Variants in PRKCB observed in about 807,000 individuals in gnomAD.
The protein encoded by PRKCB is protein kinase C beta type.
A neutral mutation model predicts 81.5 loss-of-function variants in PRKCB; 13 were observed. The observed-to-expected ratio is 0.16, with a 90% CI of 0.10 to 0.25. The LOEUF is 0.25. Among genes scored for constraint, PRKCB ranks in the 10% least tolerant of loss-of-function variants. The pLI, the probability that PRKCB is intolerant of heterozygous loss-of-function variation, is 1.00. For missense variants in PRKCB, 509 were observed against 875.7 expected, an observed-to-expected ratio of 0.58 and a Z score of 5.29; for synonymous variants, 335 against 321.4, an observed-to-expected ratio of 1.04 and a Z score of -0.45.
rs148503605 is a variant in PRKCB at position 24,181,491 on chromosome 16, G to A, written c.1533+563G>A. Among the ~76,000 whole-genome samples, 879 of 152,268 alleles carry A rather than the reference G, an allele frequency of 5.8e-3. 5 individuals carry two copies. The highest frequency in any genetic ancestry group is 0.02 in the African/African-American group (817 of 41,552). On this transcript the variant is annotated intron_variant, in intron 13 of 16. Transcript: ENST00000643927. Reference sequence around the variant, plus strand: ...TACAGAATGACAAATACAAGGCCAGGTGTGGCAGCTCGCGCCTGTAATCCC... The same window carrying A: ...TACAGAATGACAAATACAAGGCCAGATGTGGCAGCTCGCGCCTGTAATCCC...
At chr16:24,077,872 T>A (rs1273224209) in intron 5 of PRKCB, among the ~76,000 whole-genome samples, 2 of 152,210 alleles carry the variant, frequency 1.3e-5, no homozygotes, top group African/African-American at 4.8e-5. Flanking sequence ...AGTGATGTAG[T>A]TAATGTAGAC....
At chr16:23,836,893 G>A (rs1350940618) in intron 1 of PRKCB, among the ~76,000 whole-genome samples, 1 of 151,894 alleles carries the variant, frequency 6.6e-6, no homozygotes, top group African/African-American at 2.4e-5. Flanking sequence ...CGAGGGCCTG[G>A]GTTCCCCTTT....
intron 2 of PRKCB, among the ~76,000 whole-genome samples, chr16:23,849,836 T>C (rs1424603209): frequency 6.6e-6 from 1 of 152,244 alleles, no homozygotes. Flanking sequence ...TTTTTTATGG[T>C]GAGACATTTG....
At chr16:24,077,085 G>A (rs1200653094) in intron 5 of PRKCB, among the ~76,000 whole-genome samples, 3 of 152,068 alleles carry the variant, frequency 2.0e-5, no homozygotes, top group African/African-American at 7.2e-5. Context: ...GCATATCAGG[G>A]GGCCTCTAGG....
intron 8 of PRKCB, among the ~76,000 whole-genome samples, chr16:24,116,134 A>G (rs1388819381): frequency 6.6e-6 from 1 of 152,224 alleles, no homozygotes; most frequent in Non-Finnish European, 1.5e-5. Context: ...AATTGCAGAC[A>G]TGAAAAGGCA....
intron 9 of PRKCB, among the ~76,000 whole-genome samples, chr16:24,130,110 A>G (rs1966851232): frequency 6.6e-6 from 1 of 152,204 alleles, no homozygotes. Context: ...TACATTCAGC[A>G]TGTATACCAT....
At chr16:24,080,268 T>C (rs528961563) in intron 5 of PRKCB, among the ~76,000 whole-genome samples, 1 of 152,248 alleles carries the variant, frequency 6.6e-6, no homozygotes, top group Admixed American at 6.5e-5. Context: ...AATACCAGGA[T>C]TCAAATATAA....
intron 16 of PRKCB, among the ~76,000 whole-genome samples, chr16:24,205,355 A>C (rs1968029726): frequency 6.6e-6 from 1 of 151,652 alleles, no homozygotes; most frequent in Non-Finnish European, 1.5e-5. Flanking sequence ...GGTTCTCTCT[A>C]TGTTGCCCAG....
At chr16:24,177,993 A>T (rs1304847215) in intron 12 of PRKCB, among the ~76,000 whole-genome samples, 1 of 152,166 alleles carries the variant, frequency 6.6e-6, no homozygotes, top group Non-Finnish European at 1.5e-5. Flanking sequence ...AAAATAAATT[A>T]CTTGACAAAA....
chr16:23,927,285 T>C (rs1434581413), intron 2 of PRKCB, among the ~76,000 whole-genome samples: 1 of 151,946 alleles, frequency 6.6e-6, no homozygotes, highest in African/African-American at 2.4e-5. Flanking sequence ...GGAAATAGTA[T>C]ATACAAAAGC....
chr16:23,914,388 A>G (rs1963707667), intron 2 of PRKCB, among the ~76,000 whole-genome samples: 1 of 152,088 alleles, frequency 6.6e-6, no homozygotes, highest in Admixed American at 6.5e-5. Flanking sequence ...TCCTTTTCTC[A>G]TTAGCTACCC....
intron 5 of PRKCB, among the ~76,000 whole-genome samples, chr16:24,072,501 C>CA (rs1966123755): frequency 6.6e-6 from 1 of 152,074 alleles, no homozygotes; most frequent in Admixed American, 6.5e-5. Flanking sequence ...CCTCCCACCT[C>CA]AGCTTCCCAA....
At chr16:24,077,900 G>A (rs1228579928) in intron 5 of PRKCB, among the ~76,000 whole-genome samples, 1 of 152,180 alleles carries the variant, frequency 6.6e-6, no homozygotes. Context: ...TTCTATCAAA[G>A]CAGGGAGCCT....
intron 16 of PRKCB, 185 bp downstream of exon 16, chr16:24,191,415 C>A: frequency 3.5e-5 from 20 of 570,504 alleles, no homozygotes; most frequent in East Asian, 9.4e-5. Flanking sequence ...ATTGGCCCAG[C>A]TTAGTCTCTA....
At chr16:23,986,084 A>G (rs1964799594) in intron 2 of PRKCB, among the ~76,000 whole-genome samples, 1 of 152,172 alleles carries the variant, frequency 6.6e-6, no homozygotes, top group Non-Finnish European at 1.5e-5. Context: ...AAAGAGTTTA[A>G]AGTGGAAATG....
At chr16:23,875,143 C>T (rs533576766) in intron 2 of PRKCB, among the ~76,000 whole-genome samples, 6 of 151,214 alleles carry the variant, frequency 4.0e-5, no homozygotes, top group South Asian at 2.1e-4. Flanking sequence ...CTTAAGCGAT[C>T]CTCCTGCCTC....
chr16:24,079,953 C>T (rs773726360), intron 5 of PRKCB, among the ~76,000 whole-genome samples: 7 of 152,110 alleles, frequency 4.6e-5, no homozygotes, highest in Non-Finnish European at 5.9e-5. Flanking sequence ...TTTTGTCAGT[C>T]GCCTTTTTCG....
At chr16:24,159,345 C>G (rs1967219447) in intron 10 of PRKCB, among the ~76,000 whole-genome samples, 1 of 152,168 alleles carries the variant, frequency 6.6e-6, no homozygotes, top group Non-Finnish European at 1.5e-5. Flanking sequence ...AGAGCCCAAG[C>G]TTTTGTTAGT....
chr16:24,174,969 T>A (rs1049618205), intron 12 of PRKCB: 1 of 163,660 alleles, frequency 6.1e-6, no homozygotes, highest in Non-Finnish European at 1.3e-5. Context: ...ATTTTTTATT[T>A]ATTTATTTTT....
Sources: gnomAD v4.1 joint callset for allele counts (sites outside exome capture counted in the v4.1 genomes callset) on GRCh38, gnomAD v4.1.1 for gene constraint, MANE v1.5 for transcripts, NCBI Gene and HGNC (gene_info 2026-07-23, HGNC 2026-07-21) for gene names.